The following LRP1B variants were observed in gnomAD, a reference collection of about 807,000 sequenced individuals.
The protein encoded by LRP1B is LDL receptor related protein 1B.
Under a neutral mutation model 556.6 loss-of-function variants are expected in LRP1B, and 217 were observed. That is an observed-to-expected ratio of 0.39 (90% CI 0.35 to 0.44). LRP1B has a LOEUF of 0.44. Among genes scored for constraint, LRP1B ranks in the 20% least tolerant of loss-of-function variants. The pLI is 1.00. For missense variants in LRP1B, 5,053 were observed against 5,620.8 expected, an observed-to-expected ratio of 0.90 and a Z score of 3.23; for synonymous variants, 2,047 against 1,865.8, an observed-to-expected ratio of 1.10 and a Z score of -2.50.
At chr2:141,509,407 G>A (rs144319568) in intron 2 of LRP1B, among the ~76,000 whole-genome samples, 3 of 152,232 alleles carry the variant, frequency 2.0e-5, no homozygotes, top group East Asian at 3.9e-4. Context: ...CCAGCAACAC[G>A]GAAACAATAG....
chr2:141,241,270 T>C (rs966739670), intron 5 of LRP1B, among the ~76,000 whole-genome samples: 3 of 152,120 alleles, frequency 2.0e-5, no homozygotes, highest in African/African-American at 7.2e-5. Context: ...ATGGCCAGGC[T>C]ACCGGTCCGG....
At chr2:141,429,299 TACAC>T (rs879616006) in intron 3 of LRP1B, among the ~76,000 whole-genome samples, 3,811 of 152,242 alleles carry the variant, frequency 0.025, 159 homozygotes, top group African/African-American at 0.087. Context: ...CTTTTTAATA[TACAC>T]ATAGTATTTT....
intron 1 of LRP1B, among the ~76,000 whole-genome samples, chr2:142,024,642 G>A (rs886461643): frequency 7.1e-5 from 4 of 56,476 alleles, no homozygotes; most frequent in Non-Finnish European, 1.2e-4. Flanking sequence ...TTTTGTATTT[G>A]TTTTTGCTTT....
At chr2:142,098,984 T>A (rs1241831339) in intron 1 of LRP1B, among the ~76,000 whole-genome samples, 1 of 151,848 alleles carries the variant, frequency 6.6e-6, no homozygotes, top group Non-Finnish European at 1.5e-5. Context: ...CAGCATTGAC[T>A]CTTGACAGTA....
intron 7 of LRP1B, among the ~76,000 whole-genome samples, chr2:141,178,947 A>T (rs1222182865): frequency 1.3e-5 from 2 of 152,104 alleles, no homozygotes; most frequent in African/African-American, 4.8e-5. Context: ...TATTAAGTCA[A>T]AATTCTAGAC....
intron 7 of LRP1B, among the ~76,000 whole-genome samples, chr2:141,096,278 A>G (rs991629493): frequency 1.3e-5 from 2 of 152,028 alleles, no homozygotes; most frequent in African/African-American, 2.4e-5. Flanking sequence ...TTTCCCTTTC[A>G]AAAACCTTTT....
At chr2:140,324,717 AACG>A (rs1165633531) in intron 80 of LRP1B, among the ~76,000 whole-genome samples, 14 of 152,000 alleles carry the variant, frequency 9.2e-5, no homozygotes, top group East Asian at 1.9e-4. Context: ...TTTATAACAA[AACG>A]ACATTTATAT....
chr2:140,885,950 G>A (rs148077341), intron 24 of LRP1B, among the ~76,000 whole-genome samples, 188 bp downstream of exon 24: 104 of 151,634 alleles, frequency 6.9e-4, no homozygotes, highest in East Asian at 3.7e-3. Context: ...CAGCACGAGC[G>A]TCACCACTTC....
At chr2:141,623,825 GC>G (rs1688595065) in intron 2 of LRP1B, among the ~76,000 whole-genome samples, 1 of 151,658 alleles carries the variant, frequency 6.6e-6, no homozygotes. Flanking sequence ...GACCAGCCTG[GC>G]TAAGATGGTG....
At chr2:140,733,478 A>G (rs917718523) in intron 35 of LRP1B, among the ~76,000 whole-genome samples, 5 of 152,172 alleles carry the variant, frequency 3.3e-5, no homozygotes, top group African/African-American at 9.7e-5. Context: ...AACATCTATC[A>G]TTGCAGAAAC....
At chr2:140,790,373 T>A (rs945940710) in intron 32 of LRP1B, among the ~76,000 whole-genome samples, 2 of 152,104 alleles carry the variant, frequency 1.3e-5, no homozygotes, top group Non-Finnish European at 2.9e-5. Flanking sequence ...AGAGAAAAAA[T>A]TGAAAAGCTG....
Position 141,013,142 on chromosome 2 carries a change from T to TC in LRP1B, c.2380+413_2380+414insG, listed in dbSNP as rs1427244898. ...TAATTATAAACTTACTAAGATACTT[T>TC]TAAAAAATAACATTTTTCTTGTATA... On this transcript the variant is annotated intron_variant, in intron 14 of 90. Transcript: ENST00000389484. Among the ~76,000 whole-genome samples the TC allele has an allele frequency of 5.9e-5, 9 of 151,988 alleles. No homozygotes were observed. The East Asian group carries it at 1.7e-3, about 29-fold the overall frequency.
chr2:140,617,399 A>G (rs1417264203), intron 41 of LRP1B, among the ~76,000 whole-genome samples: 2 of 152,146 alleles, frequency 1.3e-5, no homozygotes, highest in East Asian at 3.9e-4. Flanking sequence ...AAATCTAGTT[A>G]TAAAATAGAT....
chr2:140,418,671 AC>A (rs1232382069), intron 66 of LRP1B, among the ~76,000 whole-genome samples: 1 of 150,612 alleles, frequency 6.6e-6, no homozygotes, highest in Non-Finnish European at 1.5e-5. Context: ...GTTTCCCATC[AC>A]CCCCAGATGA....
intron 3 of LRP1B, among the ~76,000 whole-genome samples, chr2:141,461,460 A>C (rs191552377): frequency 1.3e-5 from 2 of 152,320 alleles, no homozygotes; most frequent in African/African-American, 4.8e-5. Context: ...GAAAGTGAAG[A>C]AATAGCATAG....
chr2:140,741,177 C>T (rs1688125018), intron 35 of LRP1B, among the ~76,000 whole-genome samples: 1 of 152,168 alleles, frequency 6.6e-6, no homozygotes, highest in Admixed American at 6.5e-5. Flanking sequence ...ATATGCAAGT[C>T]TACTAGAAAT....
chr2:141,667,319 T>C (rs1690481685), intron 2 of LRP1B, among the ~76,000 whole-genome samples: 1 of 152,206 alleles, frequency 6.6e-6, no homozygotes, highest in African/African-American at 2.4e-5. Flanking sequence ...ATACCCACTG[T>C]ATTCTTGCAT....
At chr2:141,173,287 C>T (rs911531236) in intron 7 of LRP1B, among the ~76,000 whole-genome samples, 5 of 152,052 alleles carry the variant, frequency 3.3e-5, no homozygotes, top group Admixed American at 1.3e-4. Flanking sequence ...CCACAGCAAA[C>T]ATTTTCATGA....
rs1354339479 is a variant in LRP1B at position 140,291,128 on chromosome 2, C to T, written c.12967+6680G>A. ...GTTTACTGAGTGTGATTTATCTTGC[C>T]AGCCCTCCTGCTAATAGAAACAGGA... On this transcript the variant is annotated intron_variant, in intron 84 of 90. Coordinates refer to ENST00000389484, the MANE Select transcript of LRP1B (RefSeq NM_018557.3). Among the ~76,000 whole-genome samples the T allele has an allele frequency of 2.6e-5, 4 of 151,034 alleles. No homozygotes were observed. The East Asian group carries it at 7.9e-4, about 30-fold the overall frequency.
Sources: allele counts gnomAD v4.1 joint callset (sites outside exome capture counted in the v4.1 genomes callset), GRCh38; gene constraint gnomAD v4.1.1; transcripts MANE v1.5; gene names NCBI Gene and HGNC (gene_info 2026-07-23, HGNC 2026-07-21).